Variants in YJU2B observed in about 807,000 individuals in gnomAD.
YJU2B encodes the protein probable splicing factor YJU2B.
A neutral mutation model predicts 38.0 loss-of-function variants in YJU2B; 18 were observed. That is an observed-to-expected ratio of 0.47 (90% CI 0.33 to 0.70). The LOEUF (loss-of-function observed/expected upper bound fraction) is 0.70, where lower values mean the gene tolerates loss of function less well. Among genes scored for constraint, YJU2B ranks in the 30% least tolerant of loss-of-function variants. The pLI is 0.02. For synonymous variants in YJU2B, 246 were observed against 225.4 expected (o/e 1.09, Z -0.82); for missense variants, 538 against 556.3 (o/e 0.97, Z 0.33).
At chr19:13,745,682 G>GATAGATAGATAGATAGAT (rs1555699802), upstream of YJU2B, among the ~76,000 whole-genome samples, 476 of 43,874 alleles carry the variant, frequency 0.011, 8 homozygotes, top group African/African-American at 0.04. Context: ...TAGATAGATA[G>GATAGATAGATAGATAGAT]ATAGATAGAT....
intron 6 of YJU2B, 114 bp downstream of exon 6, chr19:13,757,960 GC>G: frequency 1.1e-6 from 1 of 900,884 alleles, no homozygotes; most frequent in South Asian, 1.5e-5. Context: ...CCTGGAAATC[GC>G]CCTGGTTGGT....
At chr19:13,747,782 C>G (rs1767601913), upstream of YJU2B, 1 of 152,426 alleles carries the variant, frequency 6.6e-6, no homozygotes, top group Admixed American at 6.5e-5. Context: ...GATTGGCCCA[C>G]TCCGGCGTCG....
At chr19:13,749,893 A>G (rs1284598173) in intron 1 of YJU2B, among the ~76,000 whole-genome samples, 4 of 152,074 alleles carry the variant, frequency 2.6e-5, no homozygotes, top group Non-Finnish European at 5.9e-5. Context: ...TCGGCCTCCC[A>G]AAGTGCTGGG....
At chr19:13,739,784 G>T (rs1452272280) in intron 2 of YJU2B, among the ~76,000 whole-genome samples, 3 of 152,192 alleles carry the variant, frequency 2.0e-5, no homozygotes, top group South Asian at 4.2e-4. Context: ...GAACGTGCAG[G>T]TTTGTTACAC....
At chr19:13,749,388 A>C (rs1269581137) in intron 1 of YJU2B, among the ~76,000 whole-genome samples, 1 of 152,208 alleles carries the variant, frequency 6.6e-6, no homozygotes, top group Non-Finnish European at 1.5e-5. Context: ...GTGAAATTCA[A>C]ATTTCTGTGT....
intron 1 of YJU2B, among the ~76,000 whole-genome samples, chr19:13,750,326 G>A (rs527456539): frequency 4.3e-4 from 66 of 151,948 alleles, no homozygotes; most frequent in African/African-American, 1.6e-3. Context: ...CTCCCGGTTT[G>A]AGCCATTCTC....
chr19:13,747,057 AG>A (rs2145113303), upstream of YJU2B, among the ~76,000 whole-genome samples: 1 of 152,302 alleles, frequency 6.6e-6, no homozygotes, highest in African/African-American at 2.4e-5. Context: ...AGGTAATAAA[AG>A]TTGTCTCAGA....
rs1338894175 is a variant in YJU2B at position 13,757,852 on chromosome 19, G to C, written c.257+6G>C. ...TACACAACCCCGATCTACAGGTAAGGGCGGCTTGGTGGCATCTTGGGAACA... is the reference window on the plus strand; with the variant it reads ...TACACAACCCCGATCTACAGGTAAGCGCGGCTTGGTGGCATCTTGGGAACA... On this transcript the variant is annotated splice_donor_region_variant and intron_variant, in intron 6 of 9. Transcript: ENST00000221554. 6.2e-7 allele frequency: 1 copy of C among 1,613,664 alleles called. No homozygotes were observed. Among genetic ancestry groups the C allele is most frequent in the African/African-American group, 1.3e-5 (1 of 75,034 alleles).
At chr19:13,759,294 G>T in intron 8 of YJU2B, 22 bp downstream of exon 8, 1 of 1,579,818 alleles carries the variant, frequency 6.3e-7, no homozygotes, top group Non-Finnish European at 8.6e-7. Context: ...TCCAGCCCGG[G>T]GTCAGAGAGG....
chr19:13,753,345 A>G (rs1644473), intron 2 of YJU2B, among the ~76,000 whole-genome samples: 131,695 of 152,038 alleles, frequency 0.87, 57,274 homozygotes, highest in African/African-American at 0.95. Flanking sequence ...AGGTCGAGGT[A>G]GGTGGGTCAC....
intron 2 of YJU2B, among the ~76,000 whole-genome samples, chr19:13,736,853 G>A (rs1454331942): frequency 4.0e-5 from 6 of 151,452 alleles, no homozygotes; most frequent in Non-Finnish European, 5.9e-5. Flanking sequence ...CCAACATGGC[G>A]AAATCCCGTG....
intron 3 of YJU2B, among the ~76,000 whole-genome samples, chr19:13,754,543 C>T (rs1194078073): frequency 6.6e-6 from 1 of 152,120 alleles, no homozygotes; most frequent in Non-Finnish European, 1.5e-5. Flanking sequence ...CATGTCCACA[C>T]TATACTAGAG....
chr19:13,744,513 GTTTAACAAGT>G (rs1973178553), upstream of YJU2B, among the ~76,000 whole-genome samples: 2 of 151,934 alleles, frequency 1.3e-5, no homozygotes, highest in Non-Finnish European at 2.9e-5. Context: ...TGTCTTTTTT[GTTTAACAAGT>G]TACTTATTTA....
chr19:13,757,281 G>A (rs1973700725), intron 4 of YJU2B, 137 bp from the exon 5 acceptor site: 2 of 646,270 alleles, frequency 3.1e-6, no homozygotes, highest in Non-Finnish European at 2.8e-6. Flanking sequence ...TGTGTAATGT[G>A]AGTGCAGCAA....
chr19:13,754,429 T>C (rs1382653258), intron 3 of YJU2B, 87 bp downstream of exon 3: 9 of 1,124,756 alleles, frequency 8.0e-6, no homozygotes, highest in African/African-American at 6.2e-5. Context: ...TGCGGAAGGA[T>C]GGGTGGCCCC....
chr19:13,746,120 C>CTAAT (rs1210628292), upstream of YJU2B, among the ~76,000 whole-genome samples: 1 of 151,834 alleles, frequency 6.6e-6, no homozygotes, highest in African/African-American at 2.4e-5. Flanking sequence ...GGCATGGTGG[C>CTAAT]GGGCACCTGT....
chr19:13,757,657 T>G, intron 5 of YJU2B, 129 bp from the exon 6 acceptor site: 4 of 1,134,036 alleles, frequency 3.5e-6, no homozygotes, highest in South Asian at 2.5e-5. Flanking sequence ...TGGCTTCCAA[T>G]CCCGTCTCTA....
intron 2 of YJU2B, among the ~76,000 whole-genome samples, chr19:13,740,070 A>G (rs918587178): frequency 7.2e-5 from 11 of 152,124 alleles, no homozygotes; most frequent in African/African-American, 1.7e-4. Context: ...ATGCCCACCA[A>G]TGCTATCACT....
upstream of YJU2B, among the ~76,000 whole-genome samples, chr19:13,745,168 T>G (rs1973198418): frequency 1.3e-5 from 2 of 152,138 alleles, no homozygotes; most frequent in Non-Finnish European, 1.5e-5. Context: ...TGTCTCACCA[T>G]CTGTAAAACA....
Sources: gnomAD v4.1 joint callset for allele counts (sites outside exome capture counted in the v4.1 genomes callset) on GRCh38, gnomAD v4.1.1 for gene constraint, MANE v1.5 for transcripts, NCBI Gene and HGNC (gene_info 2026-07-23, HGNC 2026-07-21) for gene names.